The following RELT variants were observed in gnomAD, a reference collection of about 807,000 sequenced individuals.
RELT encodes the protein tumor necrosis factor receptor superfamily member 19L.
RELT carries 37 observed loss-of-function variants against 51.1 expected under a neutral mutation model. That is an observed-to-expected ratio of 0.72 (90% CI 0.56 to 0.95). The LOEUF is 0.95. Ranked by LOEUF, RELT falls within the 40% of genes least tolerant of loss-of-function variation. RELT has a pLI of 0.00. For missense variants in RELT, 535 were observed against 572.6 expected (o/e 0.93, Z 0.67); for synonymous variants, 241 against 235.7 (o/e 1.02, Z -0.21).
In RELT at chr11:73,378,076, G is replaced by A. The variant is rs138525687; in HGVS notation, c.-26+1577G>A. Among the ~76,000 whole-genome samples, 11 of 152,354 alleles carry A rather than the reference G, an allele frequency of 7.2e-5. No homozygotes were observed. The East Asian group carries it at 1.9e-3, about 27-fold the overall frequency. On this transcript the variant is annotated intron_variant, in intron 1 of 10. Coordinates refer to ENST00000064780, the MANE Select transcript of RELT (RefSeq NM_152222.2). ...CTTTCTTCAGTTCCTTGGGTTGGGG[G>A]AGAGTGGGGAGAGACTTGTTCCCCA...
chr11:73,392,118 C>T (rs908113638), intron 5 of RELT, 93 bp from the exon 6 acceptor site: 82 of 1,448,988 alleles, frequency 5.7e-5, no homozygotes, highest in Middle Eastern at 2.2e-4. Context: ...ATTGGCTCTC[C>T]TGCAGCCCCC....
At chr11:73,381,411 C>G (rs1212322032) in intron 1 of RELT, among the ~76,000 whole-genome samples, 1 of 152,190 alleles carries the variant, frequency 6.6e-6, no homozygotes, top group Non-Finnish European at 1.5e-5. Context: ...ACACCACCAG[C>G]CTGCTGCATG....
At position 73,394,742 on chromosome 11, in the gene RELT, G is replaced by A. The variant is rs1212832631; in HGVS notation, c.1046+8G>A. The A allele has an allele frequency of 2.5e-6, 4 of 1,604,304 alleles. No individual in the cohort carries two copies. The African/African-American group carries it at 5.3e-5, about 21-fold the overall frequency. ...CATCTTGTCTGTGGGCAGGTGAGAT[G>A]GGCACAGATGCAGCAGGGGCAGGTA... On this transcript the variant is annotated splice_region_variant and intron_variant, in intron 9 of 10. Coordinates refer to ENST00000064780, the MANE Select transcript of RELT (RefSeq NM_152222.2). This position sits in a 1 kb window ranked among gnomAD's most constrained non-coding sequence, Gnocchi z 4.9.
rs1247378549 is a variant in RELT at position 73,392,469 on chromosome 11, G to A, written c.625+1G>A. On this transcript the variant is annotated splice_donor_variant, in intron 6 of 10. Coordinates refer to ENST00000064780, the MANE Select transcript of RELT (RefSeq NM_152222.2). LOFTEE classifies it high-confidence loss of function. ...CCCGGCCCTGGAGGTGGAGGCAGTG[G>A]TGAGGCCCAGCTGGGGTCCAGGTGG... is the stretch of plus-strand genomic sequence containing the variant. The A allele has an allele frequency of 1.2e-6, 2 of 1,610,762 alleles. No homozygotes were observed. The highest frequency in any genetic ancestry group is 1.7e-6 in the Non-Finnish European group (2 of 1,179,582).
At position 73,395,203 on chromosome 11, in the gene RELT, T is replaced by TC. The variant is rs1374949961; in HGVS notation, c.1169dup (p.Glu391Ter). On this transcript the variant is annotated frameshift_variant, in exon 10 of 11. Coordinates refer to ENST00000064780, the MANE Select transcript of RELT (RefSeq NM_152222.2). LOFTEE classifies it high-confidence loss of function. ...CTCCCTGACTCCCCACAGCCTGGCC[T>TC]CCCCCCTGAGCAGCAGGCCCTGCTA... The TC allele has an allele frequency of 8.7e-6, 14 of 1,612,906 alleles. No individual in the cohort carries two copies. Among genetic ancestry groups the TC allele is most frequent in the Non-Finnish European group, 1.1e-5 (13 of 1,179,858 alleles).
intron 1 of RELT, among the ~76,000 whole-genome samples, chr11:73,387,483 C>T (rs1231580396): frequency 1.3e-5 from 2 of 152,190 alleles, no homozygotes; most frequent in African/African-American, 4.8e-5. Flanking sequence ...GACAGGGGAC[C>T]CTCCCCAAAT....
At chr11:73,386,849 CCCCCGCATCAG>C (rs1866132012) in intron 1 of RELT, among the ~76,000 whole-genome samples, 1 of 152,156 alleles carries the variant, frequency 6.6e-6, no homozygotes, top group African/African-American at 2.4e-5. Context: ...CCTCTTTTCA[CCCCCGCATCAG>C]CCCTCTGGGC....
At chr11:73,377,090 T>G (rs1032200895) in intron 1 of RELT, among the ~76,000 whole-genome samples, 1 of 151,924 alleles carries the variant, frequency 6.6e-6, no homozygotes, top group African/African-American at 2.4e-5. Flanking sequence ...GTGCGTGTGT[T>G]GTGTGAGGGA....
At position 73,395,598 on chromosome 11, in the gene RELT, C is replaced by T; in HGVS notation, c.*107C>T. 1 of 763,086 alleles carries T rather than the reference C, an allele frequency of 1.3e-6. No homozygotes were observed. The highest frequency in any genetic ancestry group is 1.7e-5 in the Admixed American group (1 of 57,792). The allele number at this position is 763,086 out of a possible 1,614,324, so 47.3% of individuals were successfully genotyped here. On this transcript the variant is annotated 3_prime_UTR_variant, in exon 11 of 11. Transcript: ENST00000064780. ...GACTGTGAGGACCGAGAAGCAATGG[C>T]CCAGCAGACGAGACAGCAAAGACCA...
At chr11:73,390,707 T>C (rs1866198057) in intron 3 of RELT, 48 bp from the exon 4 acceptor site, 1 of 1,608,188 alleles carries the variant, frequency 6.2e-7, no homozygotes, top group Admixed American at 1.7e-5. Context: ...CCCCCAAGGG[T>C]CCTCAGGCTT....
At chr11:73,384,816 G>A (rs1198100770) in intron 1 of RELT, among the ~76,000 whole-genome samples, 1 of 152,220 alleles carries the variant, frequency 6.6e-6, no homozygotes, top group African/African-American at 2.4e-5. Flanking sequence ...CTCGTGGTGG[G>A]GAAAGGGCTG....
chr11:73,394,614 C>T lies in RELT; in HGVS notation c.926C>T (p.Ser309Phe). ...SQKKWPEVLL[S>F]PEAVAATTPV... is the part of the protein sequence containing the mutation. ...AAGAAGTGGCCCGAGGTGCTGCTGTCCCCTGAGGCTGTAGCCGCCACTACT... is the reference window on the plus strand; with the variant it reads ...AAGAAGTGGCCCGAGGTGCTGCTGTTCCCTGAGGCTGTAGCCGCCACTACT... Residue 309 changes from serine (S) to phenylalanine (F), a missense_variant, in exon 9 of 11, where the codon TCC becomes TTC. Transcript: ENST00000064780. This position sits in a 1 kb window ranked among gnomAD's most constrained non-coding sequence, Gnocchi z 4.9. 6.2e-7 allele frequency: 1 copy of T among 1,613,422 alleles called. No homozygotes were observed. Among genetic ancestry groups the T allele is most frequent in the South Asian group, 1.1e-5 (1 of 91,086 alleles).
intron 1 of RELT, 95 bp from the exon 2 acceptor site, chr11:73,389,017 C>G: frequency 1.4e-6 from 1 of 712,494 alleles, no homozygotes; most frequent in Non-Finnish European, 2.5e-6. Context: ...TGCCTGCTCC[C>G]CATGAGTCCT....
At chr11:73,390,435 T>G in intron 2 of RELT, 116 bp from the exon 3 acceptor site, 1 of 888,492 alleles carries the variant, frequency 1.1e-6, no homozygotes, top group Non-Finnish European at 1.9e-6. Flanking sequence ...GAAGCCCGGG[T>G]GGGGTAGTCA....
In RELT at chr11:73,394,155, T is replaced by G. The variant is rs2134455706; in HGVS notation, c.707-81T>G. On this transcript the variant is annotated intron_variant, in intron 7 of 10. Coordinates refer to ENST00000064780, the MANE Select transcript of RELT (RefSeq NM_152222.2). This position sits in a 1 kb window ranked among gnomAD's most constrained non-coding sequence, Gnocchi z 4.9. ...TGGGAGTGGTGGTATGGAGGGTAGG[T>G]GGGGGGTTCTCTGCTGGGGCAGGGG... 1 of 1,276,184 alleles carries G rather than the reference T, an allele frequency of 7.8e-7. No homozygotes were observed. The highest frequency in any genetic ancestry group is 1.1e-6 in the Non-Finnish European group (1 of 906,112). The allele number at this position is 1,276,184 out of a possible 1,614,324, so 79.1% of individuals were successfully genotyped here. A position where few individuals can be genotyped will look rare whatever the true frequency, so the allele number is the denominator to read the frequency against.
intron 1 of RELT, among the ~76,000 whole-genome samples, chr11:73,380,815 C>T (rs912041024): frequency 2.6e-4 from 40 of 152,166 alleles, no homozygotes; most frequent in East Asian, 1.9e-4. Context: ...GTGTGTTTGG[C>T]GCCATTCCCC....
chr11:73,379,790 G>A (rs571202838), intron 1 of RELT, among the ~76,000 whole-genome samples: 2 of 152,264 alleles, frequency 1.3e-5, no homozygotes, highest in Admixed American at 6.5e-5. Flanking sequence ...CGGCTCTCCC[G>A]CACACTGCCA....
At chr11:73,378,137 T>G (rs1218215759) in intron 1 of RELT, among the ~76,000 whole-genome samples, 1 of 152,204 alleles carries the variant, frequency 6.6e-6, no homozygotes, top group Non-Finnish European at 1.5e-5. Context: ...AAGTTCTTGC[T>G]GGAGAGCTGG....
rs1193753557 is a variant in RELT at position 73,395,019 on chromosome 11, G to A, written c.1047-68G>A. 8.0e-6 allele frequency: 11 copies of A among 1,372,862 alleles called. No homozygotes were observed. The East Asian group carries it at 2.3e-4, about 29-fold the overall frequency. The allele number at this position is 1,372,862 out of a possible 1,614,324, so 85.0% of individuals were successfully genotyped here. A position where few individuals can be genotyped will look rare whatever the true frequency, so the allele number is the denominator to read the frequency against. ...CCATGAACTTGCTGTGTGACCCCGG[G>A]CACGTGCTGCCTTCTCTGTGCCCCG... On this transcript the variant is annotated intron_variant, in intron 9 of 10. Coordinates refer to ENST00000064780, the MANE Select transcript of RELT (RefSeq NM_152222.2).
Sources: allele counts gnomAD v4.1 joint callset (sites outside exome capture counted in the v4.1 genomes callset), GRCh38; gene constraint gnomAD v4.1.1; non-coding constraint Gnocchi (gnomAD v3.1); transcripts MANE v1.5; gene names NCBI Gene and HGNC (gene_info 2026-07-23, HGNC 2026-07-21).